GRM5: variants seen among roughly 807,000 people sequenced by gnomAD.
The protein encoded by GRM5 is metabotropic glutamate receptor 5.
GRM5 carries 19 observed loss-of-function variants against 83.1 expected under a neutral mutation model. The observed-to-expected ratio is 0.23, with a 90% CI of 0.16 to 0.34. The LOEUF is 0.34. Ranked by LOEUF, GRM5 falls within the 10% of genes least tolerant of loss-of-function variation. The probability of loss-of-function intolerance (pLI) is 1.00; values close to 1 mark genes in which losing one functional copy is unlikely to be tolerated. For synonymous variants in GRM5, 675 were observed against 633.6 expected, an observed-to-expected ratio of 1.07 and a Z score of -0.98; for missense variants, 1,160 against 1,588.3, an observed-to-expected ratio of 0.73 and a Z score of 4.58.
intron 2 of GRM5, among the ~76,000 whole-genome samples, chr11:88,888,520 C>T (rs1176993840): frequency 6.6e-6 from 1 of 152,112 alleles, no homozygotes; most frequent in Non-Finnish European, 1.5e-5. Flanking sequence ...GATGTTCATT[C>T]AACCTGGGAG....
chr11:88,917,515 G>T (rs1004537097), intron 2 of GRM5, among the ~76,000 whole-genome samples: 1 of 152,154 alleles, frequency 6.6e-6, no homozygotes, highest in Non-Finnish European at 1.5e-5. Context: ...AGCAATCCCA[G>T]AGTGACAGAG....
intron 3 of GRM5, among the ~76,000 whole-genome samples, chr11:88,706,837 A>G (rs1247806795): frequency 6.6e-6 from 1 of 152,124 alleles, no homozygotes; most frequent in Non-Finnish European, 1.5e-5. Context: ...GAATGGAATC[A>G]GTATCTTGTT....
intron 3 of GRM5, among the ~76,000 whole-genome samples, chr11:88,712,016 T>A (rs1941292680): frequency 6.6e-6 from 1 of 152,106 alleles, no homozygotes; most frequent in African/African-American, 2.4e-5. Flanking sequence ...CAAGAGTTTT[T>A]TCTCAGACAG....
At chr11:88,749,701 A>G (rs1468444294) in intron 3 of GRM5, among the ~76,000 whole-genome samples, 1 of 152,202 alleles carries the variant, frequency 6.6e-6, no homozygotes, top group Non-Finnish European at 1.5e-5. Flanking sequence ...GAGAAAGGCC[A>G]GGTCACTTAC....
intron 2 of GRM5, among the ~76,000 whole-genome samples, chr11:89,007,774 ACT>A (rs1940572715): frequency 6.6e-6 from 1 of 152,090 alleles, no homozygotes; most frequent in Non-Finnish European, 1.5e-5. Context: ...CAGTTAGAAG[ACT>A]CTTATGAAAT....
intron 2 of GRM5, among the ~76,000 whole-genome samples, chr11:89,026,984 C>G (rs1323129569): frequency 6.6e-6 from 1 of 152,190 alleles, no homozygotes; most frequent in Non-Finnish European, 1.5e-5. Flanking sequence ...TTCATCCCAT[C>G]TTCTCAAGAG....
At chr11:88,730,879 G>T (rs35607700) in intron 3 of GRM5, among the ~76,000 whole-genome samples, 1 of 152,050 alleles carries the variant, frequency 6.6e-6, no homozygotes, top group East Asian at 1.9e-4. Flanking sequence ...GGAGTCGGGG[G>T]CTAGGGGAGG....
chr11:88,800,098 A>G (rs1403011854), intron 3 of GRM5, among the ~76,000 whole-genome samples: 2 of 152,196 alleles, frequency 1.3e-5, no homozygotes, highest in Non-Finnish European at 2.9e-5. Flanking sequence ...TAAAAAATAA[A>G]TAAATAAATA....
chr11:88,536,976 T>G (rs1252277980), intron 8 of GRM5, among the ~76,000 whole-genome samples: 1 of 152,178 alleles, frequency 6.6e-6, no homozygotes, highest in Non-Finnish European at 1.5e-5. Context: ...ATAAGGAAAC[T>G]GGCTCAGAAA....
rs1049660600 is a variant in GRM5, at chr11:88,526,247, A to T, written c.2631-843T>A. On this transcript the variant is annotated intron_variant, in intron 8 of 9. Transcript: ENST00000305447. ...AATAAGTGATGAGATTCCCAATATT[A>T]CTCTTCTACGTGGTGCATCAAGATG... is the stretch of plus-strand genomic sequence containing the variant. Among the ~76,000 whole-genome samples the T allele has an allele frequency of 2.6e-5, 4 of 152,144 alleles. No individual in the cohort carries two copies. In the East Asian group the frequency reaches 5.8e-4, roughly 22 times the overall value.
At chr11:88,881,599 C>T (rs555888862) in intron 2 of GRM5, among the ~76,000 whole-genome samples, 14 of 152,154 alleles carry the variant, frequency 9.2e-5, no homozygotes, top group Admixed American at 3.9e-4. Flanking sequence ...AAGATGAAAC[C>T]GAGTTCAAGT....
In GRM5 at chr11:88,508,511, C is replaced by A. The variant is rs1034406820; in HGVS notation, c.*81G>T. 5.1e-6 allele frequency: 6 copies of A among 1,172,546 alleles called. No homozygotes were observed. In the South Asian group the frequency reaches 6.9e-5, roughly 13 times the overall value. 72.6% of individuals were successfully genotyped at this position (1,172,546 alleles called of 1,614,324 possible). A position where few individuals can be genotyped will look rare whatever the true frequency, so the allele number is the denominator to read the frequency against. On this transcript the variant is annotated 3_prime_UTR_variant, in exon 10 of 10. Transcript: ENST00000305447. The surrounding 1 kb of genome is among the most constrained non-coding windows in gnomAD (Gnocchi z 4.2). ...ATCTTCCCCCTGGGCCGTAACCAGG[C>A]GACTATGCTTGCCATTGTGTGTGTG... is the stretch of plus-strand genomic sequence containing the variant.
chr11:88,798,041 G>T (rs1428779011), intron 3 of GRM5, among the ~76,000 whole-genome samples: 1 of 151,940 alleles, frequency 6.6e-6, no homozygotes, highest in South Asian at 2.1e-4. Flanking sequence ...TCACTGACTG[G>T]AATCTCATGC....
chr11:88,618,017 T>A (rs1938530072), intron 4 of GRM5, among the ~76,000 whole-genome samples: 1 of 152,190 alleles, frequency 6.6e-6, no homozygotes, highest in South Asian at 2.1e-4. Context: ...CTGGTCAGCA[T>A]ACCAACTTTT....
At chr11:88,788,300 T>G (rs1943111475) in intron 3 of GRM5, among the ~76,000 whole-genome samples, 1 of 152,138 alleles carries the variant, frequency 6.6e-6, no homozygotes, top group Non-Finnish European at 1.5e-5. Flanking sequence ...ACAAAGCAGA[T>G]CAATCATAAT....
intron 3 of GRM5, among the ~76,000 whole-genome samples, chr11:88,753,889 C>T (rs1040050954): frequency 2.0e-5 from 3 of 152,062 alleles, no homozygotes; most frequent in Non-Finnish European, 4.4e-5. Flanking sequence ...GAAAAAAGAG[C>T]TTGAGCAGGG....
At chr11:88,538,140 G>A (rs201034661) in intron 8 of GRM5, among the ~76,000 whole-genome samples, 3 of 150,908 alleles carry the variant, frequency 2.0e-5, no homozygotes, top group South Asian at 2.1e-4. Flanking sequence ...AACCAACCAC[G>A]GGAGAATAGT....
At chr11:89,016,628 G>T (rs1300289019) in intron 2 of GRM5, among the ~76,000 whole-genome samples, 2 of 152,054 alleles carry the variant, frequency 1.3e-5, no homozygotes, top group Non-Finnish European at 2.9e-5. Flanking sequence ...TAGAGAAGTC[G>T]AGTGATTTTC....
At chr11:88,797,993 T>C (rs1943314771) in intron 3 of GRM5, among the ~76,000 whole-genome samples, 1 of 152,126 alleles carries the variant, frequency 6.6e-6, no homozygotes, top group Non-Finnish European at 1.5e-5. Flanking sequence ...TTTCCTTCCA[T>C]GCATATTATA....
Sources: gnomAD v4.1 joint callset for allele counts (sites outside exome capture counted in the v4.1 genomes callset) on GRCh38, gnomAD v4.1.1 for gene constraint, Gnocchi (gnomAD v3.1) non-coding constraint, MANE v1.5 for transcripts, NCBI Gene and HGNC (gene_info 2026-07-23, HGNC 2026-07-21) for gene names.